ABCC1: variants seen among roughly 807,000 people sequenced by gnomAD.
ABCC1 encodes the protein ATP binding cassette subfamily C member 1 (ABCC1 blood group), also known as multidrug resistance-associated protein 1.
Under a neutral mutation model 172.9 loss-of-function variants are expected in ABCC1, and 83 were observed. The ratio of observed to expected loss-of-function variants is 0.48; its 90% CI spans 0.40 to 0.58. The LOEUF (loss-of-function observed/expected upper bound fraction) is 0.58. Among genes scored for constraint, ABCC1 ranks in the 20% least tolerant of loss-of-function variants. The pLI is 0.00. For synonymous variants in ABCC1, 937 were observed against 825.2 expected, an observed-to-expected ratio of 1.14 and a Z score of -2.32; for missense variants, 1,817 against 2,002.7, an observed-to-expected ratio of 0.91 and a Z score of 1.77.
intron 30 of ABCC1, among the ~76,000 whole-genome samples, chr16:16,140,451 C>T (rs770144803): frequency 7.2e-5 from 11 of 152,204 alleles, no homozygotes; most frequent in Non-Finnish European, 1.2e-4. Flanking sequence ...CCTCCTGCCT[C>T]AGCCTTCCAA....
chr16:16,104,202 C>A (rs1052545163), intron 20 of ABCC1, among the ~76,000 whole-genome samples: 10 of 152,134 alleles, frequency 6.6e-5, no homozygotes, highest in African/African-American at 2.4e-4. Context: ...ATAAAGCTTC[C>A]ACAGTTTGGA....
intron 2 of ABCC1, 92 bp downstream of exon 2, chr16:16,008,084 T>A: frequency 7.8e-7 from 1 of 1,285,658 alleles, no homozygotes; most frequent in South Asian, 1.5e-5. Context: ...CTCTTCTACT[T>A]AGTTGACCCT....
At chr16:16,108,348 G>A (rs1392357667) in intron 21 of ABCC1, among the ~76,000 whole-genome samples, 6 of 133,942 alleles carry the variant, frequency 4.5e-5, no homozygotes, top group Admixed American at 1.8e-4. Flanking sequence ...GGCGCTCACC[G>A]CAACCTCCGC....
intron 1 of ABCC1, among the ~76,000 whole-genome samples, chr16:15,970,336 G>C (rs377680482): frequency 1.4e-4 from 22 of 152,300 alleles, no homozygotes; most frequent in Admixed American, 6.5e-4. Flanking sequence ...GGTTGCCTAC[G>C]TCTCTCCTCG....
At chr16:16,047,387 G>T (rs1209253101) in intron 9 of ABCC1, among the ~76,000 whole-genome samples, 1 of 152,066 alleles carries the variant, frequency 6.6e-6, no homozygotes, top group Non-Finnish European at 1.5e-5. Context: ...CACCTCCTGG[G>T]CTCAAACGAT....
At chr16:16,013,659 G>A (rs1478946795) in intron 3 of ABCC1, among the ~76,000 whole-genome samples, 1 of 152,102 alleles carries the variant, frequency 6.6e-6, no homozygotes, top group African/African-American at 2.4e-5. Flanking sequence ...TTCCTCAAAA[G>A]GCACAAAGTG....
chr16:16,052,113 C>A (rs968530397), intron 10 of ABCC1, among the ~76,000 whole-genome samples: 27 of 152,094 alleles, frequency 1.8e-4, no homozygotes, highest in Admixed American at 5.9e-4. Flanking sequence ...AGTGTAGTCA[C>A]AGCTACTTGG....
chr16:16,094,287 G>C (rs1216752118), intron 19 of ABCC1: 1 of 267,326 alleles, frequency 3.7e-6, no homozygotes, highest in Non-Finnish European at 7.6e-6. Flanking sequence ...CTTAAGTTCA[G>C]TGTGACTCTC....
intron 21 of ABCC1, among the ~76,000 whole-genome samples, chr16:16,109,682 G>C (rs552620331): frequency 6.6e-6 from 1 of 152,168 alleles, no homozygotes; most frequent in Non-Finnish European, 1.5e-5. Context: ...GAATATAGGA[G>C]GGAAAGAAAC....
intron 12 of ABCC1, among the ~76,000 whole-genome samples, chr16:16,066,749 A>G (rs2050126589): frequency 6.6e-6 from 1 of 151,530 alleles, no homozygotes; most frequent in African/African-American, 2.4e-5. Flanking sequence ...GAAAAATACA[A>G]AAAGATTAGC....
intron 10 of ABCC1, among the ~76,000 whole-genome samples, chr16:16,050,900 T>C (rs2049403488): frequency 6.6e-6 from 1 of 151,818 alleles, no homozygotes; most frequent in African/African-American, 2.4e-5. Flanking sequence ...CAAGACCCTG[T>C]CTCTAGAAGA....
At chr16:16,117,521 G>A (rs1293518435) in intron 23 of ABCC1, among the ~76,000 whole-genome samples, 2 of 152,126 alleles carry the variant, frequency 1.3e-5, no homozygotes, top group Non-Finnish European at 2.9e-5. Flanking sequence ...ACATCTAATT[G>A]TCCAGAACTT....
At chr16:16,076,247 C>G in intron 14 of ABCC1, 79 bp from the exon 15 acceptor site, 2 of 1,416,514 alleles carry the variant, frequency 1.4e-6, no homozygotes, top group Non-Finnish European at 2.0e-6. Flanking sequence ...TTGAACCATT[C>G]AAGCAGAGAA....
At chr16:16,055,877 G>A (rs1017244495) in intron 11 of ABCC1, among the ~76,000 whole-genome samples, 2 of 151,300 alleles carry the variant, frequency 1.3e-5, no homozygotes, top group African/African-American at 4.9e-5. Context: ...CCAGTGCGGT[G>A]GCTCACACCT....
At position 15,999,575 on chromosome 16, in the gene ABCC1, A is replaced by G. The variant is rs938269127; in HGVS notation, c.49-8241A>G. 5.3e-5 allele frequency among the ~76,000 whole-genome samples: 8 copies of G among 151,188 alleles called. No homozygotes were observed. The East Asian group carries it at 1.2e-3, about 23-fold the overall frequency. On this transcript the variant is annotated intron_variant, in intron 1 of 30. Coordinates refer to ENST00000399410, the MANE Select transcript of ABCC1 (RefSeq NM_004996.4). ...GATTGCGGTGAGCTGAAATCTCTCC[A>G]TTGCACTCCAGCCTGGGCAACAAGA...
intron 1 of ABCC1, among the ~76,000 whole-genome samples, chr16:15,965,395 C>T (rs2046221364): frequency 6.6e-6 from 1 of 151,892 alleles, no homozygotes; most frequent in Admixed American, 6.6e-5. Flanking sequence ...AGGTTCACGC[C>T]ATTCTCCTGC....
intron 12 of ABCC1, among the ~76,000 whole-genome samples, chr16:16,062,189 T>G (rs1342916073): frequency 6.6e-6 from 1 of 152,234 alleles, no homozygotes; most frequent in Non-Finnish European, 1.5e-5. Flanking sequence ...CAGCGTGTTC[T>G]CACAGCTTTT....
chr16:16,053,663 T>A (rs974987275), intron 11 of ABCC1, among the ~76,000 whole-genome samples: 1 of 151,180 alleles, frequency 6.6e-6, no homozygotes, highest in Non-Finnish European at 1.5e-5. Context: ...GATGCGTGCC[T>A]GTAGTCCCAG....
chr16:15,994,668 T>C (rs929708001), intron 1 of ABCC1, among the ~76,000 whole-genome samples: 1 of 152,122 alleles, frequency 6.6e-6, no homozygotes, highest in African/African-American at 2.4e-5. Context: ...ATTCAAACAG[T>C]ACGAAAGATA....
Sources: allele counts gnomAD v4.1 joint callset (sites outside exome capture counted in the v4.1 genomes callset), GRCh38; gene constraint gnomAD v4.1.1; transcripts MANE v1.5; gene names NCBI Gene and HGNC (gene_info 2026-07-23, HGNC 2026-07-21).